The following UBE2D3 variants were observed in gnomAD, a reference collection of about 807,000 sequenced individuals.
UBE2D3 encodes ubiquitin-conjugating enzyme E2 D3.
UBE2D3 carries 2 observed loss-of-function variants against 22.8 expected under a neutral mutation model. That is an observed-to-expected ratio of 0.09 (90% CI 0.04 to 0.28). The LOEUF is 0.28. UBE2D3 is among the 10% of genes least tolerant of loss of function. UBE2D3 has a pLI of 1.00. For missense variants in UBE2D3, 27 were observed against 182.5 expected (o/e 0.15, Z 4.91); for synonymous variants, 56 against 60.4 (o/e 0.93, Z 0.34).
At chr4:102,806,296 A>G (rs1560849561) in intron 4 of UBE2D3, among the ~76,000 whole-genome samples, 1 of 152,086 alleles carries the variant, frequency 6.6e-6, no homozygotes, top group East Asian at 1.9e-4. Context: ...TCTTCCTTAT[A>G]ATATAGCCCT....
intron 1 of UBE2D3, among the ~76,000 whole-genome samples, chr4:102,855,088 T>C (rs2110372382): frequency 6.6e-6 from 1 of 152,350 alleles, no homozygotes; most frequent in South Asian, 2.1e-4. Flanking sequence ...TGATAAATTA[T>C]AACAGCCTTC....
chr4:102,832,889 T>C (rs890748989), intron 1 of UBE2D3, among the ~76,000 whole-genome samples: 3 of 151,690 alleles, frequency 2.0e-5, no homozygotes, highest in Non-Finnish European at 4.4e-5. Context: ...TCCCAGCTGC[T>C]CTGGAAGCTG....
At chr4:102,824,329 A>C (rs1730111534) in intron 2 of UBE2D3, among the ~76,000 whole-genome samples, 1 of 152,228 alleles carries the variant, frequency 6.6e-6, no homozygotes, top group Non-Finnish European at 1.5e-5. Flanking sequence ...TGTGATATTA[A>C]AATAGCAGTA....
At chr4:102,798,390 A>G (rs2110242461) in intron 7 of UBE2D3, among the ~76,000 whole-genome samples, 1 of 151,124 alleles carries the variant, frequency 6.6e-6, no homozygotes, top group East Asian at 1.9e-4. Context: ...AAACTTTTTA[A>G]AAAGTTCTTT....
intron 2 of UBE2D3, chr4:102,825,140 T>C (rs1730257424): frequency 1.8e-6 from 1 of 555,280 alleles, no homozygotes; most frequent in Admixed American, 6.4e-5. Flanking sequence ...CAGGCAAATG[T>C]AGTATCAGGT....
intron 1 of UBE2D3, 25 bp from the exon 2 acceptor site, chr4:102,826,661 G>C: frequency 6.5e-7 from 1 of 1,538,734 alleles, no homozygotes; most frequent in Non-Finnish European, 8.7e-7. Flanking sequence ...GAGCAGATCA[G>C]CACTCGCACA....
intron 4 of UBE2D3, among the ~76,000 whole-genome samples, chr4:102,804,777 T>G (rs955591703): frequency 6.6e-6 from 1 of 152,050 alleles, no homozygotes; most frequent in Non-Finnish European, 1.5e-5. Flanking sequence ...TGGGATCAAG[T>G]GATTCTCCCA....
upstream of UBE2D3, among the ~76,000 whole-genome samples, chr4:102,831,313 A>G (rs1731103899): frequency 6.6e-6 from 1 of 152,248 alleles, no homozygotes; most frequent in Non-Finnish European, 1.5e-5. Context: ...TCATTAAGTC[A>G]AATTAATATG....
intron 2 of UBE2D3, chr4:102,825,448 G>A: frequency 8.8e-7 from 1 of 1,140,140 alleles, no homozygotes; most frequent in South Asian, 1.9e-5. Flanking sequence ...CGATATAAAA[G>A]TTAACATTTA....
At chr4:102,841,788 T>G (rs1731768898) in intron 1 of UBE2D3, among the ~76,000 whole-genome samples, 1 of 152,194 alleles carries the variant, frequency 6.6e-6, no homozygotes, top group Non-Finnish European at 1.5e-5. Context: ...ACCAGTCTTA[T>G]GATTCTAATA....
intron 1 of UBE2D3, among the ~76,000 whole-genome samples, chr4:102,861,468 A>C (rs922032680): frequency 6.6e-6 from 1 of 152,042 alleles, no homozygotes; most frequent in Non-Finnish European, 1.5e-5. Context: ...AAATATAAAC[A>C]GTTAAATATA....
chr4:102,860,404 GGTGT>G (rs540255423), intron 1 of UBE2D3, among the ~76,000 whole-genome samples: 1,801 of 122,822 alleles, frequency 0.015, 28 homozygotes, highest in African/African-American at 0.05. Flanking sequence ...ATGTTTTCCT[GGTGT>G]GTGTGTGTGT....
rs551499226 is a variant in UBE2D3, at chr4:102,842,063, C to G, written c.-128-15427G>C. Among the ~76,000 whole-genome samples, 4 of 152,032 alleles carry G rather than the reference C, an allele frequency of 2.6e-5. No homozygotes were observed. In the East Asian group the frequency reaches 8.0e-4, roughly 30 times the overall value. On this transcript the variant is annotated intron_variant, in intron 1 of 7. Coordinates refer to the UBE2D3 transcript ENST00000338145. ...TGATCCTCATATTCTTTTGAACATA[C>G]TTTTACTTTTCTAAGAGTATGCCTT...
rs546657588 is a variant in UBE2D3 at position 102,822,674 on chromosome 4, G to A, written c.24+3811C>T. Among the ~76,000 whole-genome samples, 14 of 150,718 alleles carry A rather than the reference G, an allele frequency of 9.3e-5. No individual in the cohort carries two copies. In the South Asian group the frequency reaches 2.9e-3, roughly 32 times the overall value. On this transcript the variant is annotated intron_variant, in intron 2 of 7. Transcript: ENST00000453744. The stretch of plus-strand genomic sequence containing the variant: ...AGGGCCAGGCCACGTGGTGGCTCAC[G>A]CCTGTAATCCCAGCACTTTGGGAGG...
At chr4:102,832,633 G>A (rs1731174601) in intron 1 of UBE2D3, among the ~76,000 whole-genome samples, 2 of 151,706 alleles carry the variant, frequency 1.3e-5, no homozygotes, top group South Asian at 2.1e-4. Flanking sequence ...AGTAAACTTA[G>A]TTTATTTACT....
intron 4 of UBE2D3, 135 bp downstream of exon 4, chr4:102,809,537 T>C (rs1264971257): frequency 1.1e-6 from 1 of 919,202 alleles, no homozygotes; most frequent in East Asian, 2.7e-5. Flanking sequence ...TTCTTTCAAA[T>C]GCAGTACAAC....
intron 1 of UBE2D3, among the ~76,000 whole-genome samples, chr4:102,852,493 T>C (rs886867160): frequency 6.6e-6 from 1 of 152,242 alleles, no homozygotes; most frequent in Non-Finnish European, 1.5e-5. Context: ...TCTATAGGTA[T>C]TGGTGTATTT....
At chr4:102,816,264 T>C (rs187920251) in intron 2 of UBE2D3, among the ~76,000 whole-genome samples, 4 of 152,334 alleles carry the variant, frequency 2.6e-5, no homozygotes, top group African/African-American at 9.6e-5. Context: ...TATTAGTCCA[T>C]TGTCCATCCC....
intron 1 of UBE2D3, among the ~76,000 whole-genome samples, chr4:102,853,360 ATG>A (rs199492693): frequency 0.38 from 58,126 of 151,302 alleles, 11,389 homozygotes; most frequent in African/African-American, 0.48. Context: ...TATCTTGAAC[ATG>A]TGAGACAAAA....
Sources: gnomAD v4.1 joint callset for allele counts (sites outside exome capture counted in the v4.1 genomes callset) on GRCh38, gnomAD v4.1.1 for gene constraint, MANE v1.5 for transcripts, NCBI Gene and HGNC (gene_info 2026-07-23, HGNC 2026-07-21) for gene names.